GLS2: variants seen among roughly 807,000 people sequenced by gnomAD.
GLS2 encodes glutaminase 2.
A neutral mutation model predicts 79.0 loss-of-function variants in GLS2; 52 were observed. The ratio of observed to expected loss-of-function variants is 0.66; its 90% CI spans 0.53 to 0.83. The LOEUF (loss-of-function observed/expected upper bound fraction) is 0.83, where lower values mean the gene tolerates loss of function less well. Ranked by LOEUF, GLS2 falls within the 40% of genes least tolerant of loss-of-function variation. GLS2 has a pLI of 0.00. For synonymous variants in GLS2, 238 were observed against 280.8 expected, an observed-to-expected ratio of 0.85 and a Z score of 1.52; for missense variants, 561 against 764.8, an observed-to-expected ratio of 0.73 and a Z score of 3.14.
intron 1 of GLS2, among the ~76,000 whole-genome samples, chr12:56,483,190 C>CT (rs1308733635): frequency 2.0e-5 from 3 of 150,520 alleles, no homozygotes; most frequent in Non-Finnish European, 4.4e-5. Flanking sequence ...AAGTGATTCT[C>CT]CTGCCTCAGC....
intron 3 of GLS2, 118 bp downstream of exon 3, chr12:56,479,655 TGTAATAA>T (rs1565706215): frequency 8.7e-7 from 1 of 1,144,022 alleles, no homozygotes; most frequent in African/African-American, 1.6e-5. Context: ...GTATAACTTA[TGTAATAA>T]GTAATAAAAT....
chr12:56,474,669 G>C lies in GLS2; in HGVS notation c.1099C>G (p.Leu367Val). 6.2e-7 allele frequency: 1 copy of C among 1,613,526 alleles called. No homozygotes were observed. Among genetic ancestry groups the C allele is most frequent in the Non-Finnish European group, 8.5e-7 (1 of 1,179,562 alleles). Residue 367 changes from leucine to valine, a missense_variant, in exon 12 of 18, where the codon CTC (leucine) becomes GTC (valine). Physicochemically the swap from Leu to Val is conservative, Grantham distance 32. Transcript: ENST00000311966. ...ATGGGGCAGATCCCACCGTTGGCGA[G>C]GGTGGCTGCCATGACACTGCCTGAT... ...CESGSVMAATLANGGICPITG... is the reference protein window; with the variant it reads ...CESGSVMAATVANGGICPITG...
chr12:56,476,851 C>T (rs1160595959), intron 7 of GLS2: 1 of 152,302 alleles, frequency 6.6e-6, no homozygotes, highest in Non-Finnish European at 1.5e-5. Context: ...ACCTCGGCCT[C>T]CCAAAGTGTT....
chr12:56,485,611 A>G (rs1052988540), intron 1 of GLS2, among the ~76,000 whole-genome samples: 1 of 152,162 alleles, frequency 6.6e-6, no homozygotes, highest in African/African-American at 2.4e-5. Context: ...ACACATGTTT[A>G]TGGGATGCAT....
intron 16 of GLS2, 94 bp downstream of exon 16, chr12:56,472,025 A>G (rs1869321566): frequency 4.9e-6 from 7 of 1,427,692 alleles, no homozygotes; most frequent in South Asian, 1.2e-5. Flanking sequence ...TGCTGCCCCT[A>G]TAACCTTGAG....
In GLS2 at chr12:56,474,874, A is replaced by C; in HGVS notation, c.1019T>G (p.Met340Arg). ...EKKCFPKGVD[M>R]MAALDLYFQL... ...GAAGTAGAGATCAAGGGCAGCCATC[A>C]TGTCCACCCCCTTAGGAAAGCACTG... The change falls in exon 11 of 18, where the codon ATG (methionine) becomes AGG (arginine). Residue 340 changes from methionine to arginine, a missense_variant. Around this residue, in one of 4 missense-constraint regions of GLS2, gnomAD observed 221 missense variants for 275.6 expected, o/e 0.80. Transcript: ENST00000311966. 6.2e-7 allele frequency: 1 copy of C among 1,614,190 alleles called. No homozygotes were observed. The highest frequency in any genetic ancestry group is 8.5e-7 in the Non-Finnish European group (1 of 1,180,034).
At chr12:56,480,168 C>T in intron 2 of GLS2, 120 bp downstream of exon 2, 1 of 874,848 alleles carries the variant, frequency 1.1e-6, no homozygotes, top group South Asian at 1.7e-5. Flanking sequence ...TCTCATCCAT[C>T]TGTATGCTTC....
At chr12:56,473,840 A>T in intron 12 of GLS2, 1 of 427,020 alleles carries the variant, frequency 2.3e-6, no homozygotes, top group South Asian at 5.2e-5. Flanking sequence ...TGCTAGAACT[A>T]GGAACTTCCA....
rs1431701216 is a variant in GLS2, at chr12:56,479,383, GAC to G, written c.405-204_405-203del. The G allele has an allele frequency of 2.5e-5, 14 of 567,750 alleles. 1 individual carries two copies. Among genetic ancestry groups the G allele is most frequent in the Middle Eastern group, 9.5e-4 (2 of 2,098 alleles). The allele number at this position is 567,750 out of a possible 1,614,324, so 35.2% of individuals were successfully genotyped here. On this transcript the variant is annotated intron_variant, in intron 3 of 17. Transcript: ENST00000311966. ...ATGAGGGGTTTTAATGATGTGGAAA[GAC>G]ACTATGTCTTGGGATATGAGAAAAA...
At chr12:56,476,107 G>T in intron 7 of GLS2, 130 bp from the exon 8 acceptor site, 1 of 807,306 alleles carries the variant, frequency 1.2e-6, no homozygotes, top group Non-Finnish European at 2.0e-6. Context: ...TTTTATAATG[G>T]CCCTTTTTTT....
At chr12:56,480,014 G>T in intron 2 of GLS2, 113 bp from the exon 3 acceptor site, 1 of 1,360,686 alleles carries the variant, frequency 7.3e-7, no homozygotes, top group Non-Finnish European at 1.0e-6. Context: ...ACAATAGGTG[G>T]AACAAATGGG....
chr12:56,483,053 ATTG>A (rs1870417454), intron 1 of GLS2, among the ~76,000 whole-genome samples: 1 of 150,206 alleles, frequency 6.7e-6, no homozygotes, highest in Non-Finnish European at 1.5e-5. Flanking sequence ...TATTCATCAC[ATTG>A]TTGTTTTTTC....
chr12:56,475,898 A>G (rs1183357060), intron 8 of GLS2, 47 bp downstream of exon 8: 3 of 1,603,834 alleles, frequency 1.9e-6, no homozygotes, highest in African/African-American at 2.7e-5. Flanking sequence ...AGAGGACAGC[A>G]TGCCATGGCG....
At chr12:56,475,340 T>C in intron 9 of GLS2, 1 of 1,168,854 alleles carries the variant, frequency 8.6e-7, no homozygotes, top group Non-Finnish European at 1.2e-6. Context: ...TCTAGTCATC[T>C]AGGAAAACTG....
At chr12:56,477,766 C>T (rs1180526691) in intron 6 of GLS2, 48 bp from the exon 7 acceptor site, 1 of 1,579,856 alleles carries the variant, frequency 6.3e-7, no homozygotes, top group Non-Finnish European at 8.6e-7. Flanking sequence ...AACAAAGCCT[C>T]CCTGACAGCC....
chr12:56,474,857 G>A lies in GLS2; in HGVS notation c.1036C>T (p.Leu346Phe), dbSNP rs894671458. Reference protein sequence around the residue: ...KGVDMMAALDLYFQLCSVEVT... With the variant: ...KGVDMMAALDFYFQLCSVEVT... ...CAGTGTTTTCTTACCTGGAAGTAGA[G>A]ATCAAGGGCAGCCATCATGTCCACC... The change falls in exon 11 of 18, where the codon CTC becomes TTC. Residue 346 changes from leucine to phenylalanine, a missense_variant. Coordinates refer to ENST00000311966, the MANE Select transcript of GLS2 (RefSeq NM_013267.4). The A allele has an allele frequency of 6.2e-7, 1 of 1,614,188 alleles. No individual in the cohort carries two copies. Among genetic ancestry groups the A allele is most frequent in the Middle Eastern group, 1.7e-4 (1 of 6,058 alleles).
chr12:56,481,684 A>G (rs1038018246), intron 1 of GLS2, among the ~76,000 whole-genome samples: 1 of 149,482 alleles, frequency 6.7e-6, no homozygotes, highest in African/African-American at 2.5e-5. Flanking sequence ...TGAGGTTAGG[A>G]GTTTGAGACC....
chr12:56,482,515 A>G (rs184848884), intron 1 of GLS2, among the ~76,000 whole-genome samples: 250 of 152,296 alleles, frequency 1.6e-3, no homozygotes, highest in African/African-American at 5.8e-3. Flanking sequence ...ACAACACACC[A>G]TCTTACTGAC....
At chr12:56,475,361 T>C (rs916131311) in intron 9 of GLS2, 9 of 1,044,980 alleles carry the variant, frequency 8.6e-6, no homozygotes, top group Non-Finnish European at 1.1e-5. Context: ...GTGAAGTTTT[T>C]GGCTTTGAAA....
Sources: allele counts gnomAD v4.1 joint callset (sites outside exome capture counted in the v4.1 genomes callset), GRCh38; gene constraint gnomAD v4.1.1; regional missense constraint gnomAD v4.1.1; transcripts MANE v1.5; gene names NCBI Gene and HGNC (gene_info 2026-07-23, HGNC 2026-07-21).